CEMIP: variants seen among roughly 807,000 people sequenced by gnomAD.
The protein encoded by CEMIP is cell migration-inducing and hyaluronan-binding protein.
Under a neutral mutation model 156.9 loss-of-function variants are expected in CEMIP, and 105 were observed. The ratio of observed to expected loss-of-function variants is 0.67; its 90% confidence interval spans 0.57 to 0.79. The LOEUF (loss-of-function observed/expected upper bound fraction) is 0.79. Ranked by LOEUF, CEMIP falls within the 30% of genes least tolerant of loss-of-function variation. CEMIP has a pLI of 0.00. For missense variants in CEMIP, 1,457 were observed against 1,769.4 expected (o/e 0.82, Z 3.17); for synonymous variants, 676 against 668.4 (o/e 1.01, Z -0.17).
At chr15:80,831,005 T>A (rs1897144810) in intron 1 of CEMIP, among the ~76,000 whole-genome samples, 1 of 152,044 alleles carries the variant, frequency 6.6e-6, no homozygotes, top group East Asian at 1.9e-4. Context: ...CCCCCTGGAG[T>A]TCACATGTAG....
intron 1 of CEMIP, among the ~76,000 whole-genome samples, chr15:80,839,450 G>A (rs1897341606): frequency 6.6e-6 from 1 of 152,146 alleles, no homozygotes; most frequent in South Asian, 2.1e-4. Context: ...GGAGTCAAGT[G>A]CAAAGTCCTG....
At chr15:80,891,885 A>T (rs1476787634) in intron 10 of CEMIP, among the ~76,000 whole-genome samples, 1 of 152,232 alleles carries the variant, frequency 6.6e-6, no homozygotes, top group Non-Finnish European at 1.5e-5. Context: ...AAGGCCAGAA[A>T]AACAAAGCCA....
rs1900637530 is a variant in CEMIP at position 80,925,748 on chromosome 15, A to G, written c.2413A>G (p.Ser805Gly). 2 of 1,612,080 alleles carry G rather than the reference A, an allele frequency of 1.2e-6. No individual in the cohort carries two copies. Among genetic ancestry groups the G allele is most frequent in the South Asian group, 2.2e-5 (2 of 91,048 alleles). Reference protein sequence around the residue: ...WLRGGDVWLDSCRFADNGIGL... With the variant: ...WLRGGDVWLDGCRFADNGIGL... Reference sequence around the variant, plus strand: ...GCGCGGCGGGGATGTGTGGCTGGACAGCTGCCGGTGAGTCAGAGCGGCGTG... The same window carrying G: ...GCGCGGCGGGGATGTGTGGCTGGACGGCTGCCGGTGAGTCAGAGCGGCGTG... The change falls in exon 19 of 30, where the codon AGC becomes GGC. Residue 805 changes from serine (S) to glycine (G), a missense_variant. This residue lies in a region of CEMIP where 798 missense variants were observed against 980.1 expected (regional missense o/e 0.81). Coordinates refer to ENST00000394685, the MANE Select transcript of CEMIP (RefSeq NM_001293298.2).
rs746290782 is a variant in CEMIP at position 80,920,102 on chromosome 15, C to T, written c.1806C>T (p.Asp602=). Residue 602 remains aspartate (D), a synonymous_variant, in exon 15 of 30, where the codon GAC becomes GAT. Transcript: ENST00000394685. ...VHGSNGLLIK[D]VVGYNSLGHC... ...TGTCTTGACCCCTGCAGATCAAGGA[C>T]GTTGTGGGCTATAACTCTTTGGGCC... 6 of 1,614,206 alleles carry T rather than the reference C, an allele frequency of 3.7e-6. No individual in the cohort carries two copies. The highest frequency in any genetic ancestry group is 1.7e-5 in the Admixed American group (1 of 60,026).
intron 12 of CEMIP, chr15:80,897,387 T>C: frequency 2.2e-6 from 1 of 455,586 alleles, no homozygotes; most frequent in Non-Finnish European, 4.4e-6. Flanking sequence ...TGGAATTCAG[T>C]CCCCTTATCT....
intron 23 of CEMIP, among the ~76,000 whole-genome samples, chr15:80,935,070 T>C (rs1377602672): frequency 6.6e-6 from 1 of 152,182 alleles, no homozygotes; most frequent in Non-Finnish European, 1.5e-5. Context: ...TGGGATTTTC[T>C]CAGCCCTGCT....
chr15:80,882,582 T>TA (rs1898698583), intron 6 of CEMIP, among the ~76,000 whole-genome samples: 1 of 152,230 alleles, frequency 6.6e-6, no homozygotes, highest in African/African-American at 2.4e-5. Context: ...AGATCCAACT[T>TA]AAAGTTTATT....
At chr15:80,879,960 G>C in intron 5 of CEMIP, 106 bp downstream of exon 5, 1 of 1,291,812 alleles carries the variant, frequency 7.7e-7, no homozygotes, top group Non-Finnish European at 1.1e-6. Context: ...CTGTAAGATA[G>C]GAATCATTCT....
At position 80,921,029 on chromosome 15, in the gene CEMIP, C is replaced by A. The variant is rs774201819; in HGVS notation, c.2004-3C>A. 6.2e-7 allele frequency: 1 copy of A among 1,613,980 alleles called. No individual in the cohort carries two copies. Among genetic ancestry groups the A allele is most frequent in the Non-Finnish European group, 8.5e-7 (1 of 1,179,834 alleles). ...ATCTCAGGTATCTCTGCCCTCCCTGCAGTGCTGTGTCCACCTTCTGGATGG... is the reference window on the plus strand; with the variant it reads ...ATCTCAGGTATCTCTGCCCTCCCTGAAGTGCTGTGTCCACCTTCTGGATGG... On this transcript the variant is annotated splice_region_variant and splice_polypyrimidine_tract_variant and intron_variant, in intron 15 of 29. Coordinates refer to ENST00000394685, the MANE Select transcript of CEMIP (RefSeq NM_001293298.2).
chr15:80,887,560 G>C (rs1898889773), intron 7 of CEMIP, 134 bp from the exon 8 acceptor site: 1 of 714,682 alleles, frequency 1.4e-6, no homozygotes, highest in East Asian at 2.7e-5. Flanking sequence ...GCAAGTGAAT[G>C]AATTTCCCCC....
chr15:80,854,351 G>A (rs890575802), intron 1 of CEMIP, among the ~76,000 whole-genome samples: 12 of 152,236 alleles, frequency 7.9e-5, no homozygotes, highest in African/African-American at 2.7e-4. Flanking sequence ...TATAAACCAA[G>A]CGTGGGCTGC....
At chr15:80,903,849 A>T (rs776357232) in intron 12 of CEMIP, among the ~76,000 whole-genome samples, 5 of 152,238 alleles carry the variant, frequency 3.3e-5, no homozygotes, top group African/African-American at 4.8e-5. Context: ...TGAAGACCAC[A>T]GAGCTGATGG....
chr15:80,780,256 A>T (rs1030681662), intron 1 of CEMIP, among the ~76,000 whole-genome samples: 2 of 152,232 alleles, frequency 1.3e-5, no homozygotes, highest in African/African-American at 4.8e-5. Flanking sequence ...CTGAGACTCC[A>T]AACGTGGCAT....
At chr15:80,857,003 T>C (rs1011797716) in intron 1 of CEMIP, among the ~76,000 whole-genome samples, 1 of 152,180 alleles carries the variant, frequency 6.6e-6, no homozygotes, top group Non-Finnish European at 1.5e-5. Flanking sequence ...TTTGAAGTAG[T>C]AGGAAACCAG....
chr15:80,790,462 G>A (rs986026533), intron 1 of CEMIP, among the ~76,000 whole-genome samples: 2 of 152,130 alleles, frequency 1.3e-5, no homozygotes, highest in East Asian at 1.9e-4. Flanking sequence ...TCAGACTCAC[G>A]CAGACAGCAT....
At chr15:80,877,140 C>T (rs760604279) in intron 3 of CEMIP, among the ~76,000 whole-genome samples, 3 of 152,160 alleles carry the variant, frequency 2.0e-5, no homozygotes, top group Non-Finnish European at 4.4e-5. Context: ...AAAACCACCC[C>T]CATGATTCAA....
At chr15:80,802,482 C>T (rs1030376443) in intron 1 of CEMIP, among the ~76,000 whole-genome samples, 2 of 152,216 alleles carry the variant, frequency 1.3e-5, no homozygotes, top group African/African-American at 4.8e-5. Context: ...TGTGCTCAGG[C>T]CCTGCCCACA....
At chr15:80,841,103 G>A (rs996630693) in intron 1 of CEMIP, among the ~76,000 whole-genome samples, 88 of 152,310 alleles carry the variant, frequency 5.8e-4, no homozygotes, top group South Asian at 6.2e-4. Context: ...CGGGGCACCT[G>A]TGGCTTTGCC....
At chr15:80,855,987 T>C (rs1897844450) in intron 1 of CEMIP, among the ~76,000 whole-genome samples, 1 of 152,228 alleles carries the variant, frequency 6.6e-6, no homozygotes, top group Non-Finnish European at 1.5e-5. Context: ...CCCAAAAACA[T>C]GCTGAGTGAA....
Sources: allele counts gnomAD v4.1 joint callset (sites outside exome capture counted in the v4.1 genomes callset), GRCh38; gene constraint gnomAD v4.1.1; regional missense constraint gnomAD v4.1.1; transcripts MANE v1.5; gene names NCBI Gene and HGNC (gene_info 2026-07-23, HGNC 2026-07-21).